The following ZMYM2 variants were observed in gnomAD, a reference collection of about 807,000 sequenced individuals.
The protein encoded by ZMYM2 is zinc finger MYM-type protein 2.
A neutral mutation model predicts 162.8 loss-of-function variants in ZMYM2; 56 were observed. The observed-to-expected ratio is 0.34, with a 90% CI of 0.28 to 0.43. ZMYM2 has a LOEUF of 0.43. Among genes scored for constraint, ZMYM2 ranks in the 20% least tolerant of loss-of-function variants. The pLI, the probability that ZMYM2 is intolerant of heterozygous loss-of-function variation, is 1.00. For missense variants in ZMYM2, 1,275 were observed against 1,621.8 expected (o/e 0.79, Z 3.67); for synonymous variants, 510 against 541.6 (o/e 0.94, Z 0.81).
intron 2 of ZMYM2, among the ~76,000 whole-genome samples, chr13:19,973,021 C>G (rs1956462875): frequency 6.6e-6 from 1 of 151,540 alleles, no homozygotes; most frequent in Non-Finnish European, 1.5e-5. Context: ...ACTGCAACCT[C>G]TACCTCCAGG....
At chr13:19,900,037 G>C in the ZMYM2 span, among the ~76,000 whole-genome samples, 17 of 152,032 alleles carry the variant, frequency 1.1e-4, no homozygotes, top group African/African-American at 4.1e-4. Context: ...CAGGTGAGAT[G>C]GCTCACACCT....
intron 2 of ZMYM2, among the ~76,000 whole-genome samples, chr13:19,981,687 A>G (rs910742247): frequency 6.6e-6 from 1 of 151,996 alleles, no homozygotes; most frequent in African/African-American, 2.4e-5. Flanking sequence ...ATTTTTGTGG[A>G]TATCTTTTCT....
At chr13:20,069,449 G>A (rs1956919391) in intron 21 of ZMYM2, among the ~76,000 whole-genome samples, 1 of 150,806 alleles carries the variant, frequency 6.6e-6, no homozygotes, top group African/African-American at 2.4e-5. Flanking sequence ...CTGTTACCAA[G>A]TTGAGGAACT....
At chr13:19,911,429 A>T in the ZMYM2 span, among the ~76,000 whole-genome samples, 1 of 152,190 alleles carries the variant, frequency 6.6e-6, no homozygotes, top group East Asian at 1.9e-4. Context: ...GGTCACCTTG[A>T]GGAAGAAACT....
upstream of ZMYM2, among the ~76,000 whole-genome samples, chr13:19,957,935 T>G (rs975363530): frequency 6.6e-6 from 1 of 152,214 alleles, no homozygotes; most frequent in African/African-American, 2.4e-5. Flanking sequence ...GGTTGTTCCC[T>G]TGGCCGAATG....
chr13:19,886,913 T>C, the ZMYM2 span, among the ~76,000 whole-genome samples: 58 of 151,118 alleles, frequency 3.8e-4, no homozygotes, highest in Non-Finnish European at 2.8e-4. Flanking sequence ...GTGCCCGCCT[T>C]CGCCTCCCAA....
chr13:19,921,925 T>G, the ZMYM2 span, among the ~76,000 whole-genome samples: 1 of 149,796 alleles, frequency 6.7e-6, no homozygotes, highest in African/African-American at 2.4e-5. Context: ...TTTTTTTTCC[T>G]TTTTTTGAGA....
intron 6 of ZMYM2, among the ~76,000 whole-genome samples, chr13:20,017,245 C>G (rs1951703794): frequency 6.6e-6 from 1 of 152,204 alleles, no homozygotes; most frequent in South Asian, 2.1e-4. Flanking sequence ...ACATTGTAGC[C>G]CGGCCAGGGT....
the ZMYM2 span, among the ~76,000 whole-genome samples, chr13:19,885,947 A>G: frequency 0.35 from 7,176 of 20,562 alleles, 2,824 homozygotes; most frequent in East Asian, 0.61. Flanking sequence ...ATATATATGT[A>G]TATACACATA....
At chr13:20,069,338 A>T (rs1207164296) in intron 21 of ZMYM2, among the ~76,000 whole-genome samples, 1 of 152,098 alleles carries the variant, frequency 6.6e-6, no homozygotes, top group Non-Finnish European at 1.5e-5. Flanking sequence ...GGAATTAGTG[A>T]TAGCAGAAAC....
the ZMYM2 span, among the ~76,000 whole-genome samples, chr13:19,926,306 A>T: frequency 1.3e-5 from 2 of 151,390 alleles, no homozygotes; most frequent in Admixed American, 1.3e-4. Context: ...CGCTTCAAAC[A>T]ATAAAGGATG....
chr13:20,085,889 A>G lies in ZMYM2; in HGVS notation c.4009A>G (p.Ser1337Gly). The G allele has an allele frequency of 6.2e-7, 1 of 1,613,750 alleles. No homozygotes were observed. Among genetic ancestry groups the G allele is most frequent in the Non-Finnish European group, 8.5e-7 (1 of 1,179,734 alleles). Residue 1337 changes from serine to glycine, a missense_variant, in exon 25 of 25, where the codon AGC (serine) becomes GGC (glycine). By Grantham distance (56) the Ser-to-Gly change is moderately conservative. This residue lies in a region of ZMYM2 where 69 missense variants were observed against 78.4 expected (regional missense o/e 0.88). Coordinates refer to ENST00000610343, the MANE Select transcript of ZMYM2 (RefSeq NM_197968.4). ...LQPECSSSTD[S>G]PVWYTSTSLD... ...ACCAGAATGCTCTAGTTCTACAGATAGCCCTGTCTGGTATACGTCTACTTC... is the reference window on the plus strand; with the variant it reads ...ACCAGAATGCTCTAGTTCTACAGATGGCCCTGTCTGGTATACGTCTACTTC...
At chr13:19,874,868 AT>A in the ZMYM2 span, among the ~76,000 whole-genome samples, 1 of 152,208 alleles carries the variant, frequency 6.6e-6, no homozygotes, top group Non-Finnish European at 1.5e-5. Context: ...AATTAACATC[AT>A]GATGAGATAC....
upstream of ZMYM2, among the ~76,000 whole-genome samples, chr13:19,958,484 G>C (rs1954718574): frequency 6.6e-6 from 1 of 152,100 alleles, no homozygotes; most frequent in African/African-American, 2.4e-5. Flanking sequence ...GGACCGGCGG[G>C]GAGGGGACCC....
chr13:19,990,843 C>T (rs4769931), intron 2 of ZMYM2, among the ~76,000 whole-genome samples: 142,099 of 152,208 alleles, frequency 0.93, 67,089 homozygotes, highest in East Asian at 1. Flanking sequence ...TTCAACTTCC[C>T]ATTCATCCTA....
chr13:20,051,736 C>T, intron 13 of ZMYM2, 138 bp downstream of exon 13: 4 of 836,794 alleles, frequency 4.8e-6, no homozygotes, highest in South Asian at 2.4e-5. Context: ...TTCTCTGGGT[C>T]GAAGTACCCT....
At chr13:20,008,087 GA>G (rs1407943959) in intron 6 of ZMYM2, among the ~76,000 whole-genome samples, 7 of 152,178 alleles carry the variant, frequency 4.6e-5, no homozygotes, top group African/African-American at 1.7e-4. Flanking sequence ...CTACAATTAA[GA>G]TAATTTGAGA....
the ZMYM2 span, among the ~76,000 whole-genome samples, chr13:19,877,040 G>A: frequency 2.0e-5 from 3 of 151,946 alleles, no homozygotes. Context: ...GTGAAACCCC[G>A]TCTCTACTAA....
At chr13:19,866,574 A>T in the ZMYM2 span, among the ~76,000 whole-genome samples, 1 of 152,132 alleles carries the variant, frequency 6.6e-6, no homozygotes, top group Non-Finnish European at 1.5e-5. Flanking sequence ...CTGAGGCAGG[A>T]GAATCACTTG....
Sources: allele counts gnomAD v4.1 joint callset (sites outside exome capture counted in the v4.1 genomes callset), GRCh38; gene constraint gnomAD v4.1.1; regional missense constraint gnomAD v4.1.1; transcripts MANE v1.5; gene names NCBI Gene and HGNC (gene_info 2026-07-23, HGNC 2026-07-21).